Variants in FBRSL1 observed in about 807,000 individuals in gnomAD.
FBRSL1 encodes fibrosin-1-like protein.
Under a neutral mutation model 89.6 loss-of-function variants are expected in FBRSL1, and 51 were observed. The observed-to-expected ratio is 0.57, with a 90% CI of 0.45 to 0.72. The LOEUF (loss-of-function observed/expected upper bound fraction) is 0.72, where lower values mean the gene tolerates loss of function less well. Ranked by LOEUF, FBRSL1 falls within the 30% of genes least tolerant of loss-of-function variation. The pLI, the probability that FBRSL1 is intolerant of heterozygous loss-of-function variation, is 0.00. For missense variants in FBRSL1, 1,618 were observed against 1,451.8 expected (o/e 1.11, Z -1.86); for synonymous variants, 779 against 681.1 (o/e 1.14, Z -2.24).
At position 132,583,016 on chromosome 12, in the gene FBRSL1, C is replaced by T. The variant is rs575746267; in HGVS notation, c.2247C>T (p.Ala749=). The T allele has an allele frequency of 2.7e-6, 4 of 1,457,546 alleles. No individual in the cohort carries two copies. The East Asian group carries it at 1.2e-4, about 44-fold the overall frequency. The allele number at this position is 1,457,546 out of a possible 1,614,324, so 90.3% of individuals were successfully genotyped here. A position where few individuals can be genotyped will look rare whatever the true frequency, so the allele number is the denominator to read the frequency against. Residue 749 remains alanine (A), a synonymous_variant, in exon 19 of 19, where the codon GCC becomes GCT. Coordinates refer to ENST00000680143, the MANE Select transcript of FBRSL1 (RefSeq NM_001367871.1). Reference sequence around the variant, plus strand: ...GCCTGCTGAGCCGGGCCTCGCCCGCCACCCCCGCTGGCCACCCCGTCAGCG... The same window carrying T: ...GCCTGCTGAGCCGGGCCTCGCCCGCTACCCCCGCTGGCCACCCCGTCAGCG... The part of the protein sequence containing the change: ...KTRLLSRASP[A]TPAGHPVSGL...
At position 132,584,875 on chromosome 12, in the gene FBRSL1, TC is replaced by T. The variant is rs2041026685; in HGVS notation, c.*1099del. 1 of 152,172 alleles carries T rather than the reference TC, an allele frequency of 6.6e-6. No individual in the cohort carries two copies. The highest frequency in any genetic ancestry group is 2.4e-5 in the African/African-American group (1 of 41,368). The allele number at this position is 152,172 out of a possible 1,614,324, so 9.4% of individuals were successfully genotyped here. A position where few individuals can be genotyped will look rare whatever the true frequency, so the allele number is the denominator to read the frequency against. On this transcript the variant is annotated 3_prime_UTR_variant, in exon 19 of 19. Transcript: ENST00000680143. Reference sequence around the variant, plus strand: ...ACAAAATCACTGCTGTGTGTTTTCTTCCGCCTGAGGCATCAGCGTCACCTCG... The same window carrying T: ...ACAAAATCACTGCTGTGTGTTTTCTTCGCCTGAGGCATCAGCGTCACCTCG...
chr12:132,581,305 C>T, intron 15 of FBRSL1, 134 bp from the exon 16 acceptor site: 1 of 1,524,162 alleles, frequency 6.6e-7, no homozygotes, highest in Non-Finnish European at 8.8e-7. Flanking sequence ...ACACGCTTCA[C>T]CCCTCAGGGC....
intron 2 of FBRSL1, among the ~76,000 whole-genome samples, chr12:132,523,664 C>G (rs530116177): frequency 2.0e-5 from 3 of 152,334 alleles, no homozygotes; most frequent in Admixed American, 2.0e-4. Context: ...CCATCGCTGC[C>G]AGGTACTGCC....
intron 5 of FBRSL1, among the ~76,000 whole-genome samples, chr12:132,561,478 A>G (rs1566205191): frequency 6.6e-6 from 1 of 152,058 alleles, no homozygotes; most frequent in African/African-American, 2.4e-5. Context: ...TGGTTACCCT[A>G]GAGACGAGGG....
At position 132,582,121 on chromosome 12, in the gene FBRSL1, C is replaced by G; in HGVS notation, c.2056C>G (p.Pro686Ala). The G allele has an allele frequency of 6.5e-7, 1 of 1,549,944 alleles. No homozygotes were observed. Among genetic ancestry groups the G allele is most frequent in the South Asian group, 1.2e-5 (1 of 84,028 alleles). Residue 686 changes from proline to alanine, a missense_variant, in exon 18 of 19, where the codon CCC (proline) becomes GCC (alanine). By Grantham distance (27) the Pro-to-Ala change is conservative. Transcript: ENST00000680143. Reference sequence around the variant, plus strand: ...CTCCTCCGTGCACGGCCTGCCCAGCCCCCATGAGGCCTGGAACCGACTGCA... The same window carrying G: ...CTCCTCCGTGCACGGCCTGCCCAGCGCCCATGAGGCCTGGAACCGACTGCA... ...EGSSVHGLPS[P>A]HEAWNRLHRA...
rs1179622802 is a variant in FBRSL1, at chr12:132,490,228, C to A, written c.-343C>A. 3 of 145,334 alleles carry A rather than the reference C, an allele frequency of 2.1e-5. No homozygotes were observed. The highest frequency in any genetic ancestry group is 1.8e-4 in the South Asian group (1 of 5,408). 9.0% of individuals were successfully genotyped at this position (145,334 alleles called of 1,614,324 possible). The stretch of plus-strand genomic sequence containing the variant: ...AGGAGCCCGGCCGCCTCCCGCCTGC[C>A]GCCTGCCGCGCCCGCCCGGCCCCGC... On this transcript the variant is annotated 5_prime_UTR_variant, in exon 1 of 19. Coordinates refer to ENST00000680143, the MANE Select transcript of FBRSL1 (RefSeq NM_001367871.1).
In FBRSL1 at chr12:132,583,433, C is replaced by G; in HGVS notation, c.2664C>G (p.Arg888=). ...CCCCGGAGCGCCCCTACCGCGACCG[C>G]GAGCCCCACGGCTACAGCCCCGAGC... is the stretch of plus-strand genomic sequence containing the variant. The part of the protein sequence containing the change: ...LEPPERPYRD[R]EPHGYSPERL... Residue 888 remains arginine (R), a synonymous_variant, in exon 19 of 19, where the codon CGC becomes CGG. Coordinates refer to ENST00000680143, the MANE Select transcript of FBRSL1 (RefSeq NM_001367871.1). 9.3e-7 allele frequency: 1 copy of G among 1,072,204 alleles called. No homozygotes were observed. The highest frequency in any genetic ancestry group is 1.1e-6 in the Non-Finnish European group (1 of 884,180). 66.4% of individuals were successfully genotyped at this position (1,072,204 alleles called of 1,614,324 possible). A position where few individuals can be genotyped will look rare whatever the true frequency, so the allele number is the denominator to read the frequency against.
rs2036234793 is a variant in FBRSL1, at chr12:132,531,043, C to T, written c.615+3055C>T. On this transcript the variant is annotated intron_variant, in intron 4 of 18. Transcript: ENST00000680143. ...CCCGGGGTGCAGGTGAGAGCCCAGG[C>T]TCCAGGCAGAGAGCAGGGAGGTGCC... 2.7e-5 allele frequency among the ~76,000 whole-genome samples: 4 copies of T among 150,302 alleles called. No individual in the cohort carries two copies. The South Asian group carries it at 8.4e-4, about 31-fold the overall frequency.
chr12:132,521,723 G>A (rs1014466688), intron 2 of FBRSL1, among the ~76,000 whole-genome samples: 3 of 152,192 alleles, frequency 2.0e-5, no homozygotes, highest in Admixed American at 6.5e-5. Flanking sequence ...TGTCAGAGTT[G>A]TGCACTGCAC....
At chr12:132,551,420 G>T (rs546539523) in intron 5 of FBRSL1, 17 of 456,334 alleles carry the variant, frequency 3.7e-5, no homozygotes, top group Non-Finnish European at 7.0e-5. Context: ...GCAGGGAACA[G>T]CCCTGCCCGC....
intron 4 of FBRSL1, among the ~76,000 whole-genome samples, chr12:132,528,974 C>T (rs547370164): frequency 2.4e-4 from 36 of 152,314 alleles, no homozygotes; most frequent in East Asian, 9.6e-4. Context: ...ACCATCTCCC[C>T]GGCCCCCATC....
At position 132,583,647 on chromosome 12, in the gene FBRSL1, G is replaced by C; in HGVS notation, c.2878G>C (p.Val960Leu). ...AAALGAPPPL[V>L]TAAGPPTPPG... Reference sequence around the variant, plus strand: ...CGCCCTCGGCGCACCGCCCCCCCTGGTGACGGCGGCCGGGCCCCCCACGCC... The same window carrying C: ...CGCCCTCGGCGCACCGCCCCCCCTGCTGACGGCGGCCGGGCCCCCCACGCC... The change falls in exon 19 of 19, where the codon GTG becomes CTG. Residue 960 changes from valine to leucine, a missense_variant. By Grantham distance (32) the Val-to-Leu change is conservative. Transcript: ENST00000680143. 6.9e-6 allele frequency: 7 copies of C among 1,021,696 alleles called. No homozygotes were observed. Among genetic ancestry groups the C allele is most frequent in the Non-Finnish European group, 7.0e-6 (6 of 853,520 alleles). 63.3% of individuals were successfully genotyped at this position (1,021,696 alleles called of 1,614,324 possible).
intron 4 of FBRSL1, among the ~76,000 whole-genome samples, chr12:132,544,363 T>C (rs2037506724): frequency 6.6e-6 from 1 of 152,120 alleles, no homozygotes; most frequent in Non-Finnish European, 1.5e-5. Context: ...AAGGAGAGAC[T>C]TGATATCGGG....
At position 132,550,210 on chromosome 12, in the gene FBRSL1, G is replaced by A. The variant is rs1168387906; in HGVS notation, c.645+2178G>A. On this transcript the variant is annotated intron_variant, in intron 5 of 18. Transcript: ENST00000680143. ...GTCCTGAGGAGGACAGCAGGGGAGG[G>A]AGAGGGGCTGCGGAGGACGGCAGGG... Among the ~76,000 whole-genome samples the A allele has an allele frequency of 2.0e-5, 3 of 152,138 alleles. No homozygotes were observed. In the South Asian group the frequency reaches 6.2e-4, roughly 31 times the overall value.
At chr12:132,582,935 G>A in intron 18 of FBRSL1, 36 bp from the exon 19 acceptor site, 1 of 1,361,486 alleles carries the variant, frequency 7.3e-7, no homozygotes, top group Non-Finnish European at 9.4e-7. Context: ...CAGGACGGAG[G>A]TCTCGGGAGT....
chr12:132,581,753 G>A lies in FBRSL1; in HGVS notation c.1925G>A (p.Arg642Lys), dbSNP rs755802227. Reference sequence around the variant, plus strand: ...GTTGCCCCCACAGACCCTTTCAGCAGACCGAGCACCTTTGGGGGCCTGGGC... The same window carrying A: ...GTTGCCCCCACAGACCCTTTCAGCAAACCGAGCACCTTTGGGGGCCTGGGC... ...PTGPLTDPFS[R>K]PSTFGGLGSL... The change falls in exon 17 of 19, where the codon AGA becomes AAA. Residue 642 changes from arginine (R) to lysine (K), a missense_variant. Arg to Lys is a conservative substitution (Grantham distance 26, BLOSUM62 2). Coordinates refer to ENST00000680143, the MANE Select transcript of FBRSL1 (RefSeq NM_001367871.1). 2 of 1,550,154 alleles carry A rather than the reference G, an allele frequency of 1.3e-6. No individual in the cohort carries two copies. The highest frequency in any genetic ancestry group is 2.4e-5 in the South Asian group (2 of 84,058).
intron 2 of FBRSL1, among the ~76,000 whole-genome samples, chr12:132,516,073 G>A (rs953926537): frequency 6.6e-6 from 1 of 151,984 alleles, no homozygotes; most frequent in Admixed American, 6.6e-5. Context: ...AGGCACTATA[G>A]ACACGAAAAA....
At position 132,570,043 on chromosome 12, in the gene FBRSL1, A is replaced by C; in HGVS notation, c.809A>C (p.His270Pro). The C allele has an allele frequency of 6.6e-7, 1 of 1,508,244 alleles. No homozygotes were observed. Among genetic ancestry groups the C allele is most frequent in the Non-Finnish European group, 8.8e-7 (1 of 1,135,014 alleles). The allele number at this position is 1,508,244 out of a possible 1,614,324, so 93.4% of individuals were successfully genotyped here. A position where few individuals can be genotyped will look rare whatever the true frequency, so the allele number is the denominator to read the frequency against. The change falls in exon 7 of 19, where the codon CAT becomes CCT. Residue 270 changes from histidine to proline, a missense_variant. Coordinates refer to ENST00000680143, the MANE Select transcript of FBRSL1 (RefSeq NM_001367871.1). ...CTGCCCACTGCCAGCCCCGCGCCCC[A>C]TGCCGCGCCCTGCCCGGGGCCCCCG... The part of the protein sequence containing the change: ...SFLPTASPAP[H>P]AAPCPGPPPG...
intron 1 of FBRSL1, among the ~76,000 whole-genome samples, chr12:132,494,758 G>C (rs567801380): frequency 3.9e-4 from 59 of 152,320 alleles, no homozygotes; most frequent in African/African-American, 1.2e-3. Context: ...GCTGTTCCCT[G>C]ACTGGCACAC....
Sources: gnomAD v4.1 joint callset for allele counts (sites outside exome capture counted in the v4.1 genomes callset) on GRCh38, gnomAD v4.1.1 for gene constraint, MANE v1.5 for transcripts, NCBI Gene and HGNC (gene_info 2026-07-23, HGNC 2026-07-21) for gene names.